CPQ: variants seen among roughly 807,000 people sequenced by gnomAD.
The protein encoded by CPQ is carboxypeptidase Q.
In CPQ, 37 loss-of-function variants were observed where a neutral mutation model predicts 45.7. The observed-to-expected ratio is 0.81, with a 90% confidence interval of 0.62 to 1.07. The LOEUF is 1.07. CPQ is among the 50% of genes least tolerant of loss of function. CPQ has a pLI of 0.00. For missense variants in CPQ, 537 were observed against 572.9 expected, an observed-to-expected ratio of 0.94 and a Z score of 0.64; for synonymous variants, 186 against 205.8, an observed-to-expected ratio of 0.90 and a Z score of 0.82.
chr8:96,847,728 TAA>T (rs1347351001), intron 3 of CPQ, among the ~76,000 whole-genome samples: 2 of 152,002 alleles, frequency 1.3e-5, no homozygotes, highest in Non-Finnish European at 2.9e-5. Flanking sequence ...AATATGCAAA[TAA>T]AGATCCTTCA....
intron 7 of CPQ, among the ~76,000 whole-genome samples, chr8:97,106,399 G>A (rs1811404231): frequency 6.6e-6 from 1 of 152,180 alleles, no homozygotes; most frequent in Non-Finnish European, 1.5e-5. Context: ...TCACACATCT[G>A]TTAACACATT....
chr8:96,723,149 T>C (rs1288892456), intron 1 of CPQ, among the ~76,000 whole-genome samples: 6 of 152,174 alleles, frequency 3.9e-5, no homozygotes, highest in Non-Finnish European at 7.3e-5. Context: ...ACAGATACCA[T>C]ACCCCGAATA....
chr8:96,846,208 A>G (rs1214965952), intron 3 of CPQ, among the ~76,000 whole-genome samples: 1 of 152,218 alleles, frequency 6.6e-6, no homozygotes, highest in African/African-American at 2.4e-5. Context: ...GCCAAAATTT[A>G]ATTTTAGCCT....
At chr8:96,786,427 T>C (rs1030404132) in intron 2 of CPQ, among the ~76,000 whole-genome samples, 2 of 152,174 alleles carry the variant, frequency 1.3e-5, no homozygotes, top group Non-Finnish European at 2.9e-5. Flanking sequence ...CATGCATCAG[T>C]TGATGGACAT....
At chr8:96,944,574 A>G (rs573221479) in intron 4 of CPQ, among the ~76,000 whole-genome samples, 3 of 152,248 alleles carry the variant, frequency 2.0e-5, no homozygotes, top group Admixed American at 2.0e-4. Flanking sequence ...TCATATGTCA[A>G]CCAGCTTTAA....
chr8:96,813,266 C>G (rs1811182772), intron 2 of CPQ, among the ~76,000 whole-genome samples: 1 of 152,070 alleles, frequency 6.6e-6, no homozygotes, highest in Non-Finnish European at 1.5e-5. Context: ...AGAGAATAAG[C>G]CAAGGCTGGG....
At chr8:96,836,143 G>A (rs563097334) in intron 3 of CPQ, among the ~76,000 whole-genome samples, 1 of 152,194 alleles carries the variant, frequency 6.6e-6, no homozygotes, top group African/African-American at 2.4e-5. Context: ...GGGTTTATTT[G>A]GGTCTCCGGA....
At chr8:96,751,192 G>T (rs1398239965) in intron 1 of CPQ, among the ~76,000 whole-genome samples, 1 of 152,110 alleles carries the variant, frequency 6.6e-6, no homozygotes, top group Non-Finnish European at 1.5e-5. Flanking sequence ...TCTGCTTCTA[G>T]ATCTTTGAGG....
At chr8:96,750,477 CA>C (rs1378157495) in intron 1 of CPQ, among the ~76,000 whole-genome samples, 1 of 151,830 alleles carries the variant, frequency 6.6e-6, no homozygotes, top group East Asian at 1.9e-4. Context: ...GACTTTACTC[CA>C]AACTTGGTAG....
At chr8:97,092,570 G>T (rs762220963) in intron 7 of CPQ, 3 of 152,142 alleles carry the variant, frequency 2.0e-5, no homozygotes, top group Non-Finnish European at 4.4e-5. Flanking sequence ...AAACAATGGG[G>T]AAAGGACTCC....
Position 96,892,087 on chromosome 8 carries a change from G to A in CPQ, c.849+12082G>A, listed in dbSNP as rs1220041514. On this transcript the variant is annotated intron_variant, in intron 4 of 7. Coordinates refer to ENST00000220763, the MANE Select transcript of CPQ (RefSeq NM_016134.4). ...CTGAATTCATTTGCTAATGAATCCT[G>A]TTTTTATGGAGTTATCCTGTAAAAT... 2.0e-5 allele frequency among the ~76,000 whole-genome samples: 3 copies of A among 152,132 alleles called. No homozygotes were observed. In the East Asian group the frequency reaches 5.8e-4, roughly 29 times the overall value.
chr8:97,046,932 C>G (rs978717663), intron 6 of CPQ, among the ~76,000 whole-genome samples: 2 of 152,118 alleles, frequency 1.3e-5, no homozygotes, highest in African/African-American at 4.8e-5. Flanking sequence ...GAAAATTACC[C>G]ATTTTTTCCA....
chr8:96,917,508 A>G (rs959018026), intron 4 of CPQ, among the ~76,000 whole-genome samples: 2 of 152,016 alleles, frequency 1.3e-5, no homozygotes, highest in African/African-American at 2.4e-5. Context: ...CTCTTGGCTT[A>G]TCTCTCATAC....
chr8:96,903,663 A>G (rs1389612086), intron 4 of CPQ, among the ~76,000 whole-genome samples: 1 of 152,192 alleles, frequency 6.6e-6, no homozygotes, highest in Non-Finnish European at 1.5e-5. Context: ...TAGAAAATTG[A>G]GACTCAGAGA....
At chr8:96,786,192 C>G (rs906302097) in intron 2 of CPQ, among the ~76,000 whole-genome samples, 1 of 152,114 alleles carries the variant, frequency 6.6e-6, no homozygotes, top group African/African-American at 2.4e-5. Flanking sequence ...CTACCTATAT[C>G]CCAGCCCTAG....
At chr8:96,862,025 A>G (rs1218854732) in intron 3 of CPQ, among the ~76,000 whole-genome samples, 1 of 152,094 alleles carries the variant, frequency 6.6e-6, no homozygotes, top group Non-Finnish European at 1.5e-5. Flanking sequence ...AACAGGGATA[A>G]AGGATACAGG....
rs115745607 is a variant in CPQ, at chr8:96,668,590, G to C, written c.-35+23188G>C. On this transcript the variant is annotated intron_variant, in intron 1 of 7. Coordinates refer to ENST00000220763, the MANE Select transcript of CPQ (RefSeq NM_016134.4). ...AATTTTGCATTTTACACAGTGTGTT[G>C]TTAAAAATTAACGTGTTGGAGAGTT... is the stretch of plus-strand genomic sequence containing the variant. Among the ~76,000 whole-genome samples, 1,182 of 152,294 alleles carry C rather than the reference G, an allele frequency of 7.8e-3. 10 individuals carry two copies. Among genetic ancestry groups the C allele is most frequent in the African/African-American group, 0.023 (956 of 41,566 alleles).
chr8:96,851,899 C>G (rs1163611764), intron 3 of CPQ, among the ~76,000 whole-genome samples: 1 of 152,208 alleles, frequency 6.6e-6, no homozygotes, highest in African/African-American at 2.4e-5. Context: ...TTGTCCCCCT[C>G]TTCCTTCTCT....
At chr8:96,952,002 A>G (rs779710513) in intron 4 of CPQ, among the ~76,000 whole-genome samples, 8 of 152,098 alleles carry the variant, frequency 5.3e-5, no homozygotes, top group Non-Finnish European at 5.9e-5. Context: ...TTTTAAGGGT[A>G]GGTTCGTATT....
Sources: allele counts gnomAD v4.1 joint callset (sites outside exome capture counted in the v4.1 genomes callset), GRCh38; gene constraint gnomAD v4.1.1; transcripts MANE v1.5; gene names NCBI Gene and HGNC (gene_info 2026-07-23, HGNC 2026-07-21).